Variants in L3HYPDH observed in about 807,000 individuals in gnomAD.
The protein encoded by L3HYPDH is trans-L-3-hydroxyproline dehydratase, also known as trans-3-hydroxy-L-proline dehydratase.
L3HYPDH carries 32 observed loss-of-function variants against 26.5 expected under a neutral mutation model. The ratio of observed to expected loss-of-function variants is 1.21; its 90% CI spans 0.91 to 1.62. The LOEUF (loss-of-function observed/expected upper bound fraction) is 1.62. Among genes scored for constraint, L3HYPDH ranks in the 40% most tolerant of loss-of-function variants. The probability of loss-of-function intolerance (pLI) is 0.00; values close to 1 mark genes in which losing one functional copy is unlikely to be tolerated. For missense variants in L3HYPDH, 554 were observed against 476.4 expected (o/e 1.16, Z -1.52); for synonymous variants, 215 against 196.6 (o/e 1.09, Z -0.78).
downstream of L3HYPDH, among the ~76,000 whole-genome samples, chr14:59,472,234 T>C (rs539700430): frequency 2.0e-5 from 3 of 152,372 alleles, no homozygotes; most frequent in East Asian, 3.9e-4. Context: ...ATGCAGCTGA[T>C]AGAGTATGAG....
chr14:59,502,657 A>AGAT, the L3HYPDH span, among the ~76,000 whole-genome samples: 3 of 152,228 alleles, frequency 2.0e-5, no homozygotes, highest in Admixed American at 6.5e-5. Flanking sequence ...TAATTAAAGA[A>AGAT]GATAGGAAAA....
chr14:59,485,374 G>C, upstream of L3HYPDH: 1 of 367,588 alleles, frequency 2.7e-6, no homozygotes, highest in Non-Finnish European at 4.8e-6. Flanking sequence ...AGGCCAGTGG[G>C]TTTAAAAAGC....
downstream of L3HYPDH, among the ~76,000 whole-genome samples, chr14:59,468,218 T>TC (rs1344272142): frequency 6.6e-6 from 1 of 152,160 alleles, no homozygotes; most frequent in Non-Finnish European, 1.5e-5. Context: ...TGAGACCATG[T>TC]CTCTTTTAAA....
At chr14:59,502,645 T>A in the L3HYPDH span, among the ~76,000 whole-genome samples, 3 of 152,076 alleles carry the variant, frequency 2.0e-5, no homozygotes, top group Admixed American at 2.0e-4. Flanking sequence ...AGCATTGAAA[T>A]ATAATTAAAG....
chr14:59,473,294 G>A (rs898880107), intron 4 of L3HYPDH, among the ~76,000 whole-genome samples: 1 of 152,198 alleles, frequency 6.6e-6, no homozygotes, highest in Non-Finnish European at 1.5e-5. Flanking sequence ...AACTGGAGAA[G>A]AGAGAGACAA....
the L3HYPDH span, among the ~76,000 whole-genome samples, chr14:59,502,773 T>TATTTTTTTG: frequency 9.7e-6 from 1 of 102,850 alleles, no homozygotes; most frequent in East Asian, 2.8e-4. Flanking sequence ...TTTTTTTTTT[T>TATTTTTTTG]CGGAGTCTCA....
chr14:59,492,622 G>T, the L3HYPDH span, among the ~76,000 whole-genome samples: 4 of 152,192 alleles, frequency 2.6e-5, no homozygotes, highest in Non-Finnish European at 5.9e-5. Flanking sequence ...ATCATAAGCA[G>T]TGTTGCCTAG....
upstream of L3HYPDH, chr14:59,485,373 G>A (rs1890464588): frequency 2.7e-6 from 1 of 369,020 alleles, no homozygotes. Context: ...GAGGCCAGTG[G>A]GTTTAAAAAG....
the L3HYPDH span, among the ~76,000 whole-genome samples, chr14:59,496,599 C>T: frequency 6.6e-6 from 1 of 152,224 alleles, no homozygotes; most frequent in South Asian, 2.1e-4. Flanking sequence ...ACTACCAACC[C>T]TCATCTGCAC....
At chr14:59,484,761 G>T (rs942966296), upstream of L3HYPDH, 12 of 993,784 alleles carry the variant, frequency 1.2e-5, no homozygotes, top group South Asian at 4.7e-5. Context: ...GCGGGGTTGG[G>T]GTGGTCTGTC....
the L3HYPDH span, chr14:59,498,696 G>T: frequency 2.6e-6 from 3 of 1,149,440 alleles, no homozygotes; most frequent in South Asian, 3.1e-5. Context: ...AAACATTTTT[G>T]ATGTTACAAA....
chr14:59,489,167 C>G (rs1232422523), upstream of L3HYPDH, among the ~76,000 whole-genome samples: 1 of 146,862 alleles, frequency 6.8e-6, no homozygotes, highest in African/African-American at 2.6e-5. Flanking sequence ...ATTTTCCAAA[C>G]TTTTAGACTC....
chr14:59,489,767 C>T, the L3HYPDH span, among the ~76,000 whole-genome samples: 1 of 152,106 alleles, frequency 6.6e-6, no homozygotes, highest in African/African-American at 2.4e-5. Context: ...CTGGCATCTG[C>T]TTCTGGTGAT....
At chr14:59,470,054 TTA>T (rs1889274878), downstream of L3HYPDH, among the ~76,000 whole-genome samples, 1 of 152,186 alleles carries the variant, frequency 6.6e-6, no homozygotes, top group South Asian at 2.1e-4. Flanking sequence ...ATCAGCTGTT[TTA>T]TGTTTTTGGT....
chr14:59,486,950 C>T, upstream of L3HYPDH: 1 of 642,328 alleles, frequency 1.6e-6, no homozygotes, highest in South Asian at 2.0e-5. Flanking sequence ...CCTGTAATCC[C>T]AGCACTTTGG....
chr14:59,471,229 G>GGT (rs1889304318), downstream of L3HYPDH, among the ~76,000 whole-genome samples: 1 of 152,132 alleles, frequency 6.6e-6, no homozygotes, highest in Admixed American at 6.5e-5. Context: ...GGAAGACTTA[G>GGT]GTAATAGCTA....
the L3HYPDH span, among the ~76,000 whole-genome samples, chr14:59,496,325 C>T: frequency 6.6e-6 from 1 of 151,142 alleles, no homozygotes; most frequent in African/African-American, 2.4e-5. Flanking sequence ...TTCATTGATT[C>T]GTAGAGCTTA....
chr14:59,495,165 C>T, the L3HYPDH span: 1 of 1,613,792 alleles, frequency 6.2e-7, no homozygotes, highest in Non-Finnish European at 8.5e-7. Context: ...CGATGCTTTA[C>T]AACCCAAGTC....
chr14:59,486,930 G>A, upstream of L3HYPDH: 1 of 699,276 alleles, frequency 1.4e-6, no homozygotes, highest in South Asian at 1.9e-5. Flanking sequence ...ACCAGGCGCA[G>A]TGGCTCATGC....
Sources: gnomAD v4.1 joint callset for allele counts (sites outside exome capture counted in the v4.1 genomes callset) on GRCh38, gnomAD v4.1.1 for gene constraint, MANE v1.5 for transcripts, NCBI Gene and HGNC (gene_info 2026-07-23, HGNC 2026-07-21) for gene names.